Variants in C5orf52 observed in about 807,000 individuals in gnomAD.
C5orf52 encodes chromosome 5 open reading frame 52.
Under a neutral mutation model 16.8 loss-of-function variants are expected in C5orf52, and 15 were observed. That is an observed-to-expected ratio of 0.89 (90% CI 0.60 to 1.38). C5orf52 has a LOEUF of 1.38. Ranked by LOEUF, C5orf52 falls within the 40% of genes most tolerant of loss-of-function variation. The pLI is 0.00. For missense variants in C5orf52, 206 were observed against 213.1 expected (o/e 0.97, Z 0.21); for synonymous variants, 83 against 87.2 (o/e 0.95, Z 0.27).
intron 1 of C5orf52, 85 bp downstream of exon 1, chr5:157,671,911 C>A: frequency 1.1e-6 from 1 of 935,858 alleles, no homozygotes; most frequent in Non-Finnish European, 1.5e-6. Flanking sequence ...CTCCCCTTAG[C>A]CGGACCCCGG....
At chr5:157,676,297 T>C (rs1759893292) in intron 2 of C5orf52, among the ~76,000 whole-genome samples, 1 of 152,118 alleles carries the variant, frequency 6.6e-6, no homozygotes, top group African/African-American at 2.4e-5. Flanking sequence ...GGTCTCAAAC[T>C]CCTGACCTCA....
chr5:157,675,356 G>A (rs1046825736), intron 2 of C5orf52, among the ~76,000 whole-genome samples, 156 bp downstream of exon 2: 1 of 152,120 alleles, frequency 6.6e-6, no homozygotes, highest in African/African-American at 2.4e-5. Context: ...ATTGATACTC[G>A]GGGTTACTGA....
chr5:157,679,233 T>G (rs1759963445), intron 2 of C5orf52, among the ~76,000 whole-genome samples: 1 of 152,172 alleles, frequency 6.6e-6, no homozygotes, highest in South Asian at 2.1e-4. Flanking sequence ...TAGTATCCTC[T>G]CCTGTAGCTA....
At chr5:157,675,267 C>A (rs908128259) in intron 2 of C5orf52, 67 bp downstream of exon 2, 108 of 957,738 alleles carry the variant, frequency 1.1e-4, no homozygotes, top group Non-Finnish European at 1.6e-4. Flanking sequence ...TTTCATTCTC[C>A]CTATATGCTG....
At chr5:157,672,140 A>G (rs1168957411) in intron 1 of C5orf52, among the ~76,000 whole-genome samples, 1 of 152,080 alleles carries the variant, frequency 6.6e-6, no homozygotes, top group East Asian at 1.9e-4. Flanking sequence ...GCATGACAAC[A>G]TGTGGCCGCA....
intron 1 of C5orf52, among the ~76,000 whole-genome samples, chr5:157,673,943 G>C (rs1390352517): frequency 6.6e-6 from 1 of 152,056 alleles, no homozygotes; most frequent in Non-Finnish European, 1.5e-5. Context: ...AACTTGCCCG[G>C]TCCTGAACAA....
chr5:157,673,926 G>A (rs936502554), intron 1 of C5orf52, among the ~76,000 whole-genome samples: 1 of 152,110 alleles, frequency 6.6e-6, no homozygotes, highest in Non-Finnish European at 1.5e-5. Flanking sequence ...GACTACAGGC[G>A]TGAGCCAACT....
At chr5:157,678,519 T>C (rs10054595) in intron 2 of C5orf52, among the ~76,000 whole-genome samples, 76,676 of 151,666 alleles carry the variant, frequency 0.51, 22,574 homozygotes, top group African/African-American at 0.83. Flanking sequence ...TGCAGTGGCA[T>C]AATCTCGGCT....
chr5:157,671,912 C>A, intron 1 of C5orf52, 86 bp downstream of exon 1: 1 of 926,954 alleles, frequency 1.1e-6, no homozygotes, highest in Non-Finnish European at 1.6e-6. Context: ...TCCCCTTAGC[C>A]GGACCCCGGC....
chr5:157,675,055 G>A (rs10051782), intron 1 of C5orf52, 37 bp from the exon 2 acceptor site: 366,616 of 1,407,086 alleles, frequency 0.26, 52,592 homozygotes, highest in African/African-American at 0.57. Flanking sequence ...GGCCCCAACC[G>A]TCTGTAACCT....
chr5:157,675,293 G>A, intron 2 of C5orf52, 93 bp downstream of exon 2: 1 of 773,246 alleles, frequency 1.3e-6, no homozygotes, highest in South Asian at 1.7e-5. Flanking sequence ...TCATAGAGGT[G>A]ATAGGGAGTC....
Position 157,679,827 on chromosome 5 carries a change from C to CT in C5orf52, c.322-13dup. 1 of 1,545,172 alleles carries CT rather than the reference C, an allele frequency of 6.5e-7. No individual in the cohort carries two copies. The highest frequency in any genetic ancestry group is 8.7e-7 in the Non-Finnish European group (1 of 1,145,036). On this transcript the variant is annotated splice_polypyrimidine_tract_variant and intron_variant, in intron 2 of 2. Coordinates refer to ENST00000409999, the MANE Select transcript of C5orf52 (RefSeq NM_001145132.2). ...TAGGATCTTGATCCTAACCTCACCTCTGTTTTTTGTAAGGTGAGCGCTTTA... is the reference window on the plus strand; with the variant it reads ...TAGGATCTTGATCCTAACCTCACCTCTTGTTTTTTGTAAGGTGAGCGCTTTA...
upstream of C5orf52, chr5:157,671,395 G>A (rs1365118014): frequency 3.6e-6 from 2 of 555,096 alleles, no homozygotes. Context: ...CACGGCGGAT[G>A]CCGAGGGACA....
intron 1 of C5orf52, among the ~76,000 whole-genome samples, chr5:157,674,594 C>G (rs1561595094): frequency 6.6e-6 from 1 of 152,062 alleles, no homozygotes; most frequent in Non-Finnish European, 1.5e-5. Flanking sequence ...ATGGTGAAAC[C>G]CCGTCTCTAC....
At position 157,671,764 on chromosome 5, in the gene C5orf52, AGGGGGTCAGCC is replaced by A. The variant is rs1272882012; in HGVS notation, c.152_162del (p.Gly51AlafsTer23). 2.9e-5 allele frequency: 45 copies of A among 1,550,778 alleles called. No individual in the cohort carries two copies. The highest frequency in any genetic ancestry group is 3.8e-5 in the Non-Finnish European group (44 of 1,146,712). ...TCGGCCGCCGCCCAGAAATCGGCGT[AGGGGGTCAGCC>A]GCAGATCTGCTTTCCGCGGCCGAGG... On this transcript the variant is annotated frameshift_variant, in exon 1 of 3. Coordinates refer to ENST00000409999, the MANE Select transcript of C5orf52 (RefSeq NM_001145132.2). LOFTEE classifies it high-confidence loss of function.
At chr5:157,672,229 C>A (rs1759809603) in intron 1 of C5orf52, among the ~76,000 whole-genome samples, 2 of 152,248 alleles carry the variant, frequency 1.3e-5, no homozygotes, top group South Asian at 4.2e-4. Flanking sequence ...GTCTCATACG[C>A]CCCTTCTCAG....
At position 157,672,445 on chromosome 5, in the gene C5orf52, G is replaced by A. The variant is rs562917847; in HGVS notation, c.212+619G>A. On this transcript the variant is annotated intron_variant, in intron 1 of 2. Transcript: ENST00000409999. ...TACTTGAAAGGGAATATTTCCAGTC[G>A]TTGCCACCCTCTTCCCCTTCTAGTA... Among the ~76,000 whole-genome samples, 4 of 152,098 alleles carry A rather than the reference G, an allele frequency of 2.6e-5. No individual in the cohort carries two copies. In the East Asian group the frequency reaches 5.8e-4, roughly 22 times the overall value.
chr5:157,677,981 C>T (rs1759935018), intron 2 of C5orf52, among the ~76,000 whole-genome samples: 1 of 151,456 alleles, frequency 6.6e-6, no homozygotes, highest in African/African-American at 2.4e-5. Flanking sequence ...GAGTGAGACC[C>T]TGTCTCAAAA....
At chr5:157,671,912 C>T (rs2113863919) in intron 1 of C5orf52, 86 bp downstream of exon 1, 1 of 926,956 alleles carries the variant, frequency 1.1e-6, no homozygotes, top group Non-Finnish European at 1.6e-6. Flanking sequence ...TCCCCTTAGC[C>T]GGACCCCGGC....
Sources: gnomAD v4.1 joint callset for allele counts (sites outside exome capture counted in the v4.1 genomes callset) on GRCh38, gnomAD v4.1.1 for gene constraint, MANE v1.5 for transcripts, NCBI Gene and HGNC (gene_info 2026-07-23, HGNC 2026-07-21) for gene names.